Variants in NOX4 observed in about 807,000 individuals in gnomAD.
The protein encoded by NOX4 is NADPH oxidase 4, also known as kidney oxidase-1.
Under a neutral mutation model 87.6 loss-of-function variants are expected in NOX4, and 69 were observed. The observed-to-expected ratio is 0.79, with a 90% CI of 0.65 to 0.96. NOX4 has a LOEUF of 0.96. NOX4 is among the 40% of genes least tolerant of loss of function. The pLI, the probability that NOX4 is intolerant of heterozygous loss-of-function variation, is 0.00. For synonymous variants in NOX4, 275 were observed against 238.2 expected, an observed-to-expected ratio of 1.15 and a Z score of -1.42; for missense variants, 680 against 681.5, an observed-to-expected ratio of 1.00 and a Z score of 0.02.
intron 2 of NOX4, among the ~76,000 whole-genome samples, chr11:89,471,726 TTTTGTTTG>T (rs201346245): frequency 1.3e-4 from 20 of 152,132 alleles, no homozygotes; most frequent in African/African-American, 3.9e-4. Flanking sequence ...TTTTGATTGT[TTTTGTTTG>T]TTTGTTTGTT....
chr11:89,429,220 GA>G (rs1361561859), intron 7 of NOX4, among the ~76,000 whole-genome samples: 1 of 152,128 alleles, frequency 6.6e-6, no homozygotes, highest in Non-Finnish European at 1.5e-5. Context: ...GTGTGTAGAG[GA>G]AAATTTATAG....
At chr11:89,398,938 T>C (rs1192972669) in intron 11 of NOX4, among the ~76,000 whole-genome samples, 1 of 151,844 alleles carries the variant, frequency 6.6e-6, no homozygotes, top group Non-Finnish European at 1.5e-5. Flanking sequence ...TACAAAACAA[T>C]ATGATCCAGC....
At position 89,397,336 on chromosome 11, in the gene NOX4, T is replaced by C. The variant is rs1941560533; in HGVS notation, c.1074+2681A>G. On this transcript the variant is annotated intron_variant, in intron 11 of 17. Transcript: ENST00000263317. ...TTAAAGCAGTGTGTAGAGAGAACTT[T>C]ATAGCACTAAATGCCCACAAGAGAA... 2.0e-5 allele frequency among the ~76,000 whole-genome samples: 3 copies of C among 152,124 alleles called. No homozygotes were observed. In the South Asian group the frequency reaches 6.2e-4, roughly 32 times the overall value.
chr11:89,417,896 A>C (rs1285330194), intron 8 of NOX4, among the ~76,000 whole-genome samples: 1 of 152,122 alleles, frequency 6.6e-6, no homozygotes, highest in East Asian at 1.9e-4. Context: ...TGCCAAGTTC[A>C]TACGGGTATT....
At chr11:89,552,327 T>C in the NOX4 span, among the ~76,000 whole-genome samples, 1 of 152,210 alleles carries the variant, frequency 6.6e-6, no homozygotes, top group African/African-American at 2.4e-5. Context: ...TTTTATCTGC[T>C]GTACTATCTT....
the NOX4 span, among the ~76,000 whole-genome samples, chr11:89,523,310 T>C: frequency 2.6e-5 from 4 of 152,114 alleles, no homozygotes; most frequent in Admixed American, 6.6e-5. Flanking sequence ...GCGTGAGCTA[T>C]GGTGCCTGGC....
intron 13 of NOX4, among the ~76,000 whole-genome samples, chr11:89,343,459 T>G (rs1217519823): frequency 2.0e-5 from 3 of 150,538 alleles, no homozygotes; most frequent in African/African-American, 5.0e-5. Context: ...GTTTTTCATT[T>G]GATTTTTTTT....
chr11:89,434,909 C>T (rs746059874), intron 6 of NOX4, among the ~76,000 whole-genome samples: 4 of 152,006 alleles, frequency 2.6e-5, no homozygotes, highest in African/African-American at 9.7e-5. Context: ...TATAACATTC[C>T]AGAAAATTCA....
the NOX4 span, among the ~76,000 whole-genome samples, chr11:89,515,603 T>C: frequency 5.9e-5 from 9 of 151,886 alleles, 1 homozygote; most frequent in Admixed American, 2.0e-4. Context: ...TTAATAGTTA[T>C]GTTTCTCTGT....
the NOX4 span, among the ~76,000 whole-genome samples, chr11:89,536,139 T>C: frequency 2.0e-5 from 1 of 49,866 alleles, no homozygotes. Context: ...GGTCCTTTTC[T>C]TTTTTTTTTT....
intron 15 of NOX4, among the ~76,000 whole-genome samples, chr11:89,339,795 A>G (rs958540797): frequency 6.6e-6 from 1 of 152,182 alleles, no homozygotes; most frequent in Non-Finnish European, 1.5e-5. Flanking sequence ...ACCCTATGTT[A>G]AAACATAGAA....
At chr11:89,540,786 T>TAAAAAAAAAAAAAAAA in the NOX4 span, among the ~76,000 whole-genome samples, 1 of 43,520 alleles carries the variant, frequency 2.3e-5, no homozygotes, top group Non-Finnish European at 3.8e-5. Context: ...AGACTCCGTC[T>TAAAAAAAAAAAAAAAA]AAAAAAAAAA....
chr11:89,339,747 A>C (rs1945894148), intron 15 of NOX4, among the ~76,000 whole-genome samples: 1 of 152,164 alleles, frequency 6.6e-6, no homozygotes, highest in African/African-American at 2.4e-5. Context: ...GTCTTCCCTC[A>C]TCACCTTTAG....
chr11:89,568,983 C>T, the NOX4 span, among the ~76,000 whole-genome samples: 1 of 152,128 alleles, frequency 6.6e-6, no homozygotes, highest in Non-Finnish European at 1.5e-5. Flanking sequence ...TGAAGCTGGA[C>T]CCCTTCTCTT....
In NOX4 at chr11:89,433,138, T is replaced by C. The variant is rs922478034; in HGVS notation, c.476-282A>G. Among the ~76,000 whole-genome samples, 4 of 152,232 alleles carry C rather than the reference T, an allele frequency of 2.6e-5. No homozygotes were observed. In the South Asian group the frequency reaches 6.2e-4, roughly 24 times the overall value. ...CAGATCAGAGTAATTAGCATATCCA[T>C]CCATCATCTCAAACATTTATTATTA... On this transcript the variant is annotated intron_variant, in intron 6 of 17. Transcript: ENST00000263317.
chr11:89,399,574 C>T (rs1461520525), intron 11 of NOX4, among the ~76,000 whole-genome samples: 1 of 149,750 alleles, frequency 6.7e-6, no homozygotes. Context: ...AGCAATCCTC[C>T]TGCCTCAGCC....
intron 6 of NOX4, among the ~76,000 whole-genome samples, chr11:89,438,214 A>G (rs1944180833): frequency 7.0e-6 from 1 of 143,690 alleles, no homozygotes; most frequent in East Asian, 2.0e-4. Context: ...TAATAATATT[A>G]GTATTATTAG....
the NOX4 span, among the ~76,000 whole-genome samples, chr11:89,536,146 T>TC: frequency 7.2e-6 from 1 of 138,894 alleles, no homozygotes; most frequent in African/African-American, 2.7e-5. Context: ...TTCTTTTTTT[T>TC]TTTTTTTTTT....
chr11:89,449,054 T>TA (rs1369489251), intron 4 of NOX4, among the ~76,000 whole-genome samples: 5 of 152,094 alleles, frequency 3.3e-5, no homozygotes, highest in African/African-American at 9.7e-5. Context: ...TATCATAATG[T>TA]AAAAATCACA....
Sources: allele counts gnomAD v4.1 joint callset (sites outside exome capture counted in the v4.1 genomes callset), GRCh38; gene constraint gnomAD v4.1.1; transcripts MANE v1.5; gene names NCBI Gene and HGNC (gene_info 2026-07-23, HGNC 2026-07-21).